FAM221A: variants seen among roughly 807,000 people sequenced by gnomAD.
FAM221A encodes family with sequence similarity 221 member A.
Under a neutral mutation model 37.6 loss-of-function variants are expected in FAM221A, and 43 were observed. That is an observed-to-expected ratio of 1.15 (90% CI 0.90 to 1.48). The LOEUF is 1.48. FAM221A is among the 40% of genes most tolerant of loss of function. FAM221A has a pLI of 0.00. For synonymous variants in FAM221A, 135 were observed against 132.9 expected (o/e 1.02, Z -0.11); for missense variants, 361 against 361.5 (o/e 1.00, Z 0.01).
intron 4 of FAM221A, among the ~76,000 whole-genome samples, 160 bp downstream of exon 4, chr7:23,691,756 T>G (rs982241709): frequency 6.6e-5 from 10 of 152,180 alleles, no homozygotes; most frequent in African/African-American, 2.4e-4. Context: ...AAAATTTTTA[T>G]TTTATTTTTT....
chr7:23,684,609 G>C lies in FAM221A; in HGVS notation c.176G>C (p.Arg59Pro). ...RLQNRLFVSWRSPTGMDCKLV... is the reference protein window; with the variant it reads ...RLQNRLFVSWPSPTGMDCKLV... The stretch of plus-strand genomic sequence containing the variant: ...CAAAACAGATTATTTGTGAGCTGGC[G>C]GTCACCAACAGGGATGGATTGTAAA... The change falls in exon 2 of 7, where the codon CGG (arginine) becomes CCG (proline). Residue 59 changes from arginine (R) to proline (P), a missense_variant. Transcript: ENST00000344962. 6.2e-7 allele frequency: 1 copy of C among 1,614,032 alleles called. No individual in the cohort carries two copies. The highest frequency in any genetic ancestry group is 8.5e-7 in the Non-Finnish European group (1 of 1,179,980).
intron 4 of FAM221A, among the ~76,000 whole-genome samples, chr7:23,696,425 T>C (rs1000934129): frequency 1.5e-4 from 23 of 151,964 alleles, no homozygotes; most frequent in Non-Finnish European, 2.8e-4. Context: ...GGGCCTGGTA[T>C]TGTGTGTGTG....
chr7:23,687,663 G>A (rs1366064953), intron 2 of FAM221A: 3 of 39,778 alleles, frequency 7.5e-5, no homozygotes, highest in Non-Finnish European at 9.5e-5. Context: ...TTTTTTTTTT[G>A]AGACAGAGCC....
intron 4 of FAM221A, among the ~76,000 whole-genome samples, 183 bp downstream of exon 4, chr7:23,691,779 C>A (rs991100383): frequency 6.6e-6 from 1 of 151,024 alleles, no homozygotes; most frequent in Admixed American, 6.6e-5. Context: ...TTTTTCAGAC[C>A]TATTTAGTAT....
chr7:23,684,959 A>G (rs928122665), intron 2 of FAM221A, among the ~76,000 whole-genome samples: 2 of 152,138 alleles, frequency 1.3e-5, no homozygotes, highest in Non-Finnish European at 2.9e-5. Context: ...CTCTTAAAAA[A>G]CAAAAATTGG....
intron 4 of FAM221A, among the ~76,000 whole-genome samples, chr7:23,697,911 C>T (rs1487345842): frequency 6.6e-6 from 1 of 151,956 alleles, no homozygotes; most frequent in Non-Finnish European, 1.5e-5. Flanking sequence ...ACCACCATGT[C>T]CAACTAATTT....
chr7:23,684,433 C>A, intron 1 of FAM221A, 66 bp from the exon 2 acceptor site: 1 of 1,012,604 alleles, frequency 9.9e-7, no homozygotes, highest in Non-Finnish European at 1.4e-6. Flanking sequence ...TTTGCAGTGG[C>A]CTGGTCATAG....
rs1000928395 is a variant in FAM221A, at chr7:23,691,653, A to G, written c.637+57A>G. On this transcript the variant is annotated intron_variant, in intron 4 of 6. Coordinates refer to ENST00000344962, the MANE Select transcript of FAM221A (RefSeq NM_199136.5). ...TGTATTGTTTTTATGTGTGCTAACA[A>G]TAGTGAAGCCTTATATTTGTTAAGC... The G allele has an allele frequency of 1.6e-5, 22 of 1,390,102 alleles. No individual in the cohort carries two copies. The African/African-American group carries it at 2.6e-4, about 16-fold the overall frequency. The allele number at this position is 1,390,102 out of a possible 1,614,324, so 86.1% of individuals were successfully genotyped here. A position where few individuals can be genotyped will look rare whatever the true frequency, so the allele number is the denominator to read the frequency against.
chr7:23,695,697 A>G (rs1691478876), intron 4 of FAM221A, among the ~76,000 whole-genome samples: 1 of 152,154 alleles, frequency 6.6e-6, no homozygotes, highest in African/African-American at 2.4e-5. Flanking sequence ...GGTATCATAC[A>G]TGAGATATTT....
Position 23,684,534 on chromosome 7 carries a change from C to G in FAM221A, c.101C>G (p.Thr34Ser), listed in dbSNP as rs945529222. 8 of 1,611,928 alleles carry G rather than the reference C, an allele frequency of 5.0e-6. No individual in the cohort carries two copies. The African/African-American group carries it at 9.4e-5, about 19-fold the overall frequency. ...VGEDDGGKLFTPEEYEEYKRK... is the reference protein window; with the variant it reads ...VGEDDGGKLFSPEEYEEYKRK... ...GAGGATGATGGAGGGAAACTTTTTA[C>G]TCCTGAAGAATATGAAGAATACAAA... is the stretch of plus-strand genomic sequence containing the variant. The change falls in exon 2 of 7, where the codon ACT (threonine) becomes AGT (serine). Residue 34 changes from threonine to serine, a missense_variant. Physicochemically the swap from Thr to Ser is moderately conservative, Grantham distance 58. Coordinates refer to ENST00000344962, the MANE Select transcript of FAM221A (RefSeq NM_199136.5).
chr7:23,698,721 C>G (rs901901979), intron 5 of FAM221A, among the ~76,000 whole-genome samples: 3 of 152,070 alleles, frequency 2.0e-5, no homozygotes, highest in Admixed American at 2.0e-4. Flanking sequence ...CACCAGTATT[C>G]TGTATTTTCC....
Position 23,702,300 on chromosome 7 carries a change from A to T in FAM221A, c.*136A>T. ...TAAATGTCTTTTGGGATGTTTCCTT[A>T]ATTTATTTAAATAACTAAAAATGCC... On this transcript the variant is annotated 3_prime_UTR_variant, in exon 7 of 7. Coordinates refer to ENST00000344962, the MANE Select transcript of FAM221A (RefSeq NM_199136.5). 2.1e-6 allele frequency: 1 copy of T among 479,940 alleles called. No individual in the cohort carries two copies. Among genetic ancestry groups the T allele is most frequent in the Non-Finnish European group, 3.6e-6 (1 of 280,480 alleles). 29.7% of individuals were successfully genotyped at this position (479,940 alleles called of 1,614,324 possible). A position where few individuals can be genotyped will look rare whatever the true frequency, so the allele number is the denominator to read the frequency against.
At chr7:23,686,267 CTT>C (rs199776307) in intron 2 of FAM221A, 2,397 of 380,002 alleles carry the variant, frequency 6.3e-3, no homozygotes, top group South Asian at 8.6e-3. Context: ...TCCAACTCAA[CTT>C]TTTTTTTTTT....
intron 1 of FAM221A, 63 bp from the exon 2 acceptor site, chr7:23,684,436 G>A: frequency 9.1e-7 from 1 of 1,100,458 alleles, no homozygotes; most frequent in Non-Finnish European, 1.3e-6. Flanking sequence ...GCAGTGGCCT[G>A]GTCATAGCTC....
At chr7:23,697,072 C>T (rs1785104937) in intron 4 of FAM221A, among the ~76,000 whole-genome samples, 1 of 152,144 alleles carries the variant, frequency 6.6e-6, no homozygotes, top group Non-Finnish European at 1.5e-5. Context: ...AAGCATGAGG[C>T]TACCAGGCCC....
At chr7:23,684,203 G>A (rs1271568657) in intron 1 of FAM221A, among the ~76,000 whole-genome samples, 8 of 152,058 alleles carry the variant, frequency 5.3e-5, no homozygotes, top group African/African-American at 9.7e-5. Context: ...GAATTCCTTC[G>A]TTATGTTGTC....
intron 5 of FAM221A, among the ~76,000 whole-genome samples, chr7:23,699,327 A>C (rs1638325264): frequency 6.6e-6 from 1 of 151,276 alleles, no homozygotes; most frequent in Non-Finnish European, 1.5e-5. Context: ...TGCTATGTTG[A>C]CTAGGCTGGT....
At chr7:23,681,899 T>C (rs772412065) in intron 1 of FAM221A, among the ~76,000 whole-genome samples, 3 of 152,216 alleles carry the variant, frequency 2.0e-5, no homozygotes, top group Non-Finnish European at 4.4e-5. Flanking sequence ...AAACAAACTT[T>C]CCTTCCGAAG....
At chr7:23,685,427 T>G (rs926527738) in intron 2 of FAM221A, among the ~76,000 whole-genome samples, 6 of 152,206 alleles carry the variant, frequency 3.9e-5, no homozygotes, top group African/African-American at 1.4e-4. Context: ...GTAAAAATGT[T>G]TGGTGGCCCT....
Sources: gnomAD v4.1 joint callset for allele counts (sites outside exome capture counted in the v4.1 genomes callset) on GRCh38, gnomAD v4.1.1 for gene constraint, MANE v1.5 for transcripts, NCBI Gene and HGNC (gene_info 2026-07-23, HGNC 2026-07-21) for gene names.